The following RAPGEF5 variants were observed in gnomAD, a reference collection of about 807,000 sequenced individuals.
RAPGEF5 encodes the protein Rap guanine nucleotide exchange factor 5.
RAPGEF5 carries 65 observed loss-of-function variants against 125.2 expected under a neutral mutation model. The ratio of observed to expected loss-of-function variants is 0.52; its 90% CI spans 0.43 to 0.64. RAPGEF5 has a LOEUF of 0.64. RAPGEF5 is among the 30% of genes least tolerant of loss of function. The pLI, the probability that RAPGEF5 is intolerant of heterozygous loss-of-function variation, is 0.00. For missense variants in RAPGEF5, 958 were observed against 1,048.1 expected (o/e 0.91, Z 1.19); for synonymous variants, 391 against 385.9 (o/e 1.01, Z -0.16).
chr7:22,233,649 C>T (rs532144683), intron 7 of RAPGEF5, among the ~76,000 whole-genome samples: 5 of 152,230 alleles, frequency 3.3e-5, no homozygotes, highest in East Asian at 1.9e-4. Context: ...CCTCCCGTCT[C>T]GGCCTCCCAA....
intron 5 of RAPGEF5, 105 bp downstream of exon 5, chr7:22,308,234 C>T: frequency 9.7e-6 from 11 of 1,128,618 alleles, no homozygotes; most frequent in South Asian, 8.9e-5. Context: ...ATAGTAACTC[C>T]CTCTTAAGTG....
At chr7:22,203,879 A>G (rs1785337412) in intron 9 of RAPGEF5, among the ~76,000 whole-genome samples, 1 of 152,208 alleles carries the variant, frequency 6.6e-6, no homozygotes, top group Non-Finnish European at 1.5e-5. Context: ...GTCGGAAGAA[A>G]TGAGGATGCA....
chr7:22,250,533 T>C (rs922379229), intron 7 of RAPGEF5, among the ~76,000 whole-genome samples: 2 of 152,240 alleles, frequency 1.3e-5, no homozygotes, highest in Non-Finnish European at 2.9e-5. Context: ...TCCATTTGCA[T>C]GTCTGTTTAT....
In RAPGEF5 at chr7:22,277,984, G is replaced by A. The variant is rs143935665; in HGVS notation, c.748-10972C>T. On this transcript the variant is annotated intron_variant, in intron 6 of 25. Coordinates refer to ENST00000665637, the MANE Select transcript of RAPGEF5 (RefSeq NM_012294.5). ...TCATGTTTGGGGGACCATTTTACCC[G>A]TTACAGAATGACACGGATCCTGAAA... Among the ~76,000 whole-genome samples, 394 of 152,214 alleles carry A rather than the reference G, an allele frequency of 2.6e-3. 2 individuals are homozygous for A. Among genetic ancestry groups the A allele is most frequent in the African/African-American group, 8.8e-3 (364 of 41,526 alleles).
At chr7:22,194,393 C>T (rs547761866) in intron 9 of RAPGEF5, among the ~76,000 whole-genome samples, 1 of 152,310 alleles carries the variant, frequency 6.6e-6, no homozygotes, top group South Asian at 2.1e-4. Flanking sequence ...ATACTATATT[C>T]TCTTTTACCT....
At chr7:22,293,991 C>G (rs984813155) in intron 5 of RAPGEF5, among the ~76,000 whole-genome samples, 16 of 152,166 alleles carry the variant, frequency 1.1e-4, no homozygotes, top group Non-Finnish European at 2.2e-4. Context: ...TCAGTGCAAC[C>G]CAGGAAAGAC....
At chr7:22,298,771 C>G (rs762576303) in intron 5 of RAPGEF5, 1 of 152,194 alleles carries the variant, frequency 6.6e-6, no homozygotes, top group Non-Finnish European at 1.5e-5. Flanking sequence ...AGGGCATCAA[C>G]TACAAATTCA....
intron 1 of RAPGEF5, among the ~76,000 whole-genome samples, chr7:22,347,196 C>T (rs539037023): frequency 7.9e-5 from 12 of 152,160 alleles, no homozygotes; most frequent in Admixed American, 2.0e-4. Context: ...GCTATTAATG[C>T]TTTTTGTAGG....
Position 22,145,106 on chromosome 7 carries a change from C to T in RAPGEF5, c.2124G>A (p.Leu708=), listed in dbSNP as rs1313325038. ...EVQLWVATEI[L]LCSQLGKRVQ... is the part of the protein sequence containing the mutation. ...CTCGCTTGCCCAGCTGGCTGCAGAG[C>T]AGAATCTCCGTGGCCACCCAAAGCT... Residue 708 remains leucine, a synonymous_variant, in exon 20 of 26, where the codon CTG becomes CTA. Coordinates refer to ENST00000665637, the MANE Select transcript of RAPGEF5 (RefSeq NM_012294.5). The T allele has an allele frequency of 6.2e-7, 1 of 1,613,880 alleles. No individual in the cohort carries two copies.
At chr7:22,315,798 T>G (rs1024698250) in intron 2 of RAPGEF5, among the ~76,000 whole-genome samples, 3 of 151,932 alleles carry the variant, frequency 2.0e-5, no homozygotes, top group Admixed American at 2.0e-4. Flanking sequence ...ATCCACTATT[T>G]TTTAAATATA....
chr7:22,154,082 G>A (rs1231454729), intron 17 of RAPGEF5, among the ~76,000 whole-genome samples: 1 of 152,006 alleles, frequency 6.6e-6, no homozygotes, highest in Non-Finnish European at 1.5e-5. Flanking sequence ...GCCCGCAATA[G>A]GACTGGTTCA....
At chr7:22,352,970 G>A (rs985698337) in intron 1 of RAPGEF5, among the ~76,000 whole-genome samples, 22 of 152,144 alleles carry the variant, frequency 1.4e-4, no homozygotes, top group African/African-American at 4.6e-4. Context: ...CTAAACTCAC[G>A]AATCAATCTT....
chr7:22,193,946 G>C lies in RAPGEF5; in HGVS notation c.1084C>G (p.Pro362Ala), dbSNP rs751247167. The C allele has an allele frequency of 6.2e-7, 1 of 1,613,878 alleles. No homozygotes were observed. Among genetic ancestry groups the C allele is most frequent in the South Asian group, 1.1e-5 (1 of 91,060 alleles). Residue 362 changes from proline (P) to alanine (A), a missense_variant, in exon 10 of 26, where the codon CCC (proline) becomes GCC (alanine). Transcript: ENST00000665637. ...TGGCTCTCCGCACTCCCAGCTGTGGGGGCTGGGCCACAGCACTGCACTTTC... is the reference window on the plus strand; with the variant it reads ...TGGCTCTCCGCACTCCCAGCTGTGGCGGCTGGGCCACAGCACTGCACTTTC... Reference protein sequence around the residue: ...LKKVQCCGPAPTAGSAESHWR... With the variant: ...LKKVQCCGPAATAGSAESHWR...
chr7:22,349,713 A>G (rs1784294263), intron 1 of RAPGEF5, among the ~76,000 whole-genome samples: 1 of 152,202 alleles, frequency 6.6e-6, no homozygotes, highest in African/African-American at 2.4e-5. Context: ...TGTTTCCTGC[A>G]TCCATTGTTT....
chr7:22,241,900 C>T (rs982230720), intron 7 of RAPGEF5, among the ~76,000 whole-genome samples: 1 of 152,096 alleles, frequency 6.6e-6, no homozygotes, highest in African/African-American at 2.4e-5. Context: ...ATTCTGTTAC[C>T]TTTCTTTGCA....
chr7:22,191,502 G>A (rs934108744), intron 11 of RAPGEF5: 2 of 466,022 alleles, frequency 4.3e-6, no homozygotes, highest in African/African-American at 4.0e-5. Flanking sequence ...AAATGAGCAG[G>A]AATTAGGTGA....
intron 14 of RAPGEF5, 44 bp from the exon 15 acceptor site, chr7:22,157,929 A>G (rs781349471): frequency 6.5e-7 from 1 of 1,549,862 alleles, no homozygotes; most frequent in South Asian, 1.1e-5. Flanking sequence ...TCTCAAACCC[A>G]GAATAATGCA....
chr7:22,199,075 C>G (rs908570388), intron 9 of RAPGEF5, among the ~76,000 whole-genome samples: 13 of 152,214 alleles, frequency 8.5e-5, no homozygotes, highest in African/African-American at 3.1e-4. Context: ...ACAGGGAGGT[C>G]TAGGCCAAAG....
chr7:22,159,999 C>T (rs1397823024), intron 14 of RAPGEF5, among the ~76,000 whole-genome samples: 1 of 152,060 alleles, frequency 6.6e-6, no homozygotes, highest in Non-Finnish European at 1.5e-5. Flanking sequence ...ATCCCAGATA[C>T]TTAGGAGGCT....
Sources: allele counts gnomAD v4.1 joint callset (sites outside exome capture counted in the v4.1 genomes callset), GRCh38; gene constraint gnomAD v4.1.1; transcripts MANE v1.5; gene names NCBI Gene and HGNC (gene_info 2026-07-23, HGNC 2026-07-21).